Variants in CEP128 observed in about 807,000 individuals in gnomAD.
CEP128 encodes the protein centrosomal protein 128.
A neutral mutation model predicts 156.7 loss-of-function variants in CEP128; 132 were observed. The observed-to-expected ratio is 0.84, with a 90% CI of 0.73 to 0.97. The LOEUF (loss-of-function observed/expected upper bound fraction) is 0.97. Among genes scored for constraint, CEP128 ranks in the 50% least tolerant of loss-of-function variants. The pLI is 0.00. For synonymous variants in CEP128, 469 were observed against 448.9 expected (o/e 1.04, Z -0.57); for missense variants, 1,252 against 1,281.9 (o/e 0.98, Z 0.36).
At chr14:80,801,361 T>C (rs1883837770) in intron 13 of CEP128, among the ~76,000 whole-genome samples, 1 of 147,404 alleles carries the variant, frequency 6.8e-6, no homozygotes, top group Non-Finnish European at 1.5e-5. Flanking sequence ...CAATATGATA[T>C]TGGCTGTGGG....
intron 17 of CEP128, among the ~76,000 whole-genome samples, 171 bp downstream of exon 17, chr14:80,761,266 A>G (rs974849484): frequency 6.6e-6 from 1 of 151,048 alleles, no homozygotes. Context: ...TCGTTCTCTC[A>G]CCACAACTGT....
At chr14:80,491,885 A>G (rs904810932), downstream of CEP128, among the ~76,000 whole-genome samples, 3 of 152,146 alleles carry the variant, frequency 2.0e-5, no homozygotes, top group Non-Finnish European at 4.4e-5. Flanking sequence ...ACAGTTTAAA[A>G]TGTGTGTTAT....
chr14:80,609,561 C>T (rs1393636198), intron 19 of CEP128, among the ~76,000 whole-genome samples: 4 of 152,106 alleles, frequency 2.6e-5, no homozygotes, highest in African/African-American at 9.7e-5. Flanking sequence ...GGGCCAAGAA[C>T]ACATTTTAGC....
chr14:80,544,115 T>C (rs1039078609), intron 21 of CEP128, among the ~76,000 whole-genome samples: 2 of 152,206 alleles, frequency 1.3e-5, no homozygotes, highest in African/African-American at 4.8e-5. Context: ...CCAGATTTTA[T>C]TCTGCTAAAG....
chr14:80,759,178 A>G (rs1899830304), intron 17 of CEP128, among the ~76,000 whole-genome samples: 1 of 152,232 alleles, frequency 6.6e-6, no homozygotes, highest in Admixed American at 6.5e-5. Flanking sequence ...TGTCAAACAC[A>G]TACATTAACT....
intron 2 of CEP128, among the ~76,000 whole-genome samples, chr14:80,946,824 A>G (rs1003899957): frequency 6.6e-6 from 1 of 152,318 alleles, no homozygotes; most frequent in Admixed American, 6.5e-5. Context: ...CCCCACCCAA[A>G]TGTCACGTGG....
intron 19 of CEP128, among the ~76,000 whole-genome samples, chr14:80,581,648 C>A (rs1227348176): frequency 2.6e-5 from 4 of 152,172 alleles, no homozygotes; most frequent in African/African-American, 9.6e-5. Context: ...TATAGAGGAA[C>A]TGACTTTGGC....
chr14:80,943,663 G>A (rs7146963), upstream of CEP128, among the ~76,000 whole-genome samples: 10,057 of 152,202 alleles, frequency 0.066, 1,106 homozygotes, highest in African/African-American at 0.23. Context: ...CAGCTTTGGT[G>A]TGCTCTCAGT....
At chr14:80,931,195 A>G (rs994781548) in intron 2 of CEP128, among the ~76,000 whole-genome samples, 3 of 152,234 alleles carry the variant, frequency 2.0e-5, no homozygotes, top group African/African-American at 7.2e-5. Flanking sequence ...TCTTTGAATG[A>G]TTACCTAACA....
intron 19 of CEP128, among the ~76,000 whole-genome samples, chr14:80,641,520 C>T (rs778782016): frequency 5.9e-5 from 9 of 152,298 alleles, no homozygotes; most frequent in East Asian, 3.9e-4. Flanking sequence ...CCTGTCTTTG[C>T]GCCTTTTTCC....
At position 80,899,927 on chromosome 14, in the gene CEP128, G is replaced by A. The variant is rs1347478991; in HGVS notation, c.572+11C>T. On this transcript the variant is annotated intron_variant, in intron 7 of 24. Coordinates refer to ENST00000555265, the MANE Select transcript of CEP128 (RefSeq NM_152446.5). ...TTTATCCCTCCCATAAAAACCATAG[G>A]CTGCTTTTACCGGCTCCTTCTGGAA... The A allele has an allele frequency of 6.3e-7, 1 of 1,589,976 alleles. No individual in the cohort carries two copies. Among genetic ancestry groups the A allele is most frequent in the Non-Finnish European group, 8.6e-7 (1 of 1,158,470 alleles).
chr14:80,814,592 A>G (rs2139963886), intron 13 of CEP128, among the ~76,000 whole-genome samples: 1 of 152,324 alleles, frequency 6.6e-6, no homozygotes, highest in South Asian at 2.1e-4. Context: ...CTCTCACCAT[A>G]TACAAAAATC....
At chr14:80,573,637 T>C (rs902092190) in intron 20 of CEP128, among the ~76,000 whole-genome samples, 1 of 152,162 alleles carries the variant, frequency 6.6e-6, no homozygotes, top group Non-Finnish European at 1.5e-5. Context: ...AGTGGAATCC[T>C]TTTTACTGAG....
At chr14:80,691,662 T>C (rs1302254392) in intron 19 of CEP128, among the ~76,000 whole-genome samples, 1 of 152,122 alleles carries the variant, frequency 6.6e-6, no homozygotes, top group Non-Finnish European at 1.5e-5. Context: ...TAAATTTTCA[T>C]GAATAAAGGG....
intron 2 of CEP128, among the ~76,000 whole-genome samples, chr14:80,949,256 G>A (rs962039897): frequency 5.9e-5 from 9 of 152,196 alleles, no homozygotes; most frequent in African/African-American, 2.2e-4. Flanking sequence ...ATGGTGCAAG[G>A]AGAGCGAACC....
At chr14:80,821,330 T>C (rs1159989636) in intron 13 of CEP128, among the ~76,000 whole-genome samples, 3 of 152,190 alleles carry the variant, frequency 2.0e-5, no homozygotes, top group African/African-American at 7.2e-5. Flanking sequence ...ACAGTTAAAA[T>C]TGGCTCATTA....
chr14:80,648,250 T>A (rs1165900927), intron 19 of CEP128, among the ~76,000 whole-genome samples: 1 of 151,994 alleles, frequency 6.6e-6, no homozygotes, highest in Non-Finnish European at 1.5e-5. Flanking sequence ...TCTGGGGATC[T>A]TTGATTAATG....
chr14:80,835,599 T>A (rs1181071343), intron 12 of CEP128, among the ~76,000 whole-genome samples: 1 of 152,192 alleles, frequency 6.6e-6, no homozygotes, highest in Non-Finnish European at 1.5e-5. Context: ...AATATTATCA[T>A]TATTAAACCT....
At chr14:80,705,591 G>T (rs1020306836) in intron 19 of CEP128, among the ~76,000 whole-genome samples, 1 of 152,064 alleles carries the variant, frequency 6.6e-6, no homozygotes, top group Non-Finnish European at 1.5e-5. Flanking sequence ...CTTGAATGTG[G>T]GTAGGCTTTT....
Sources: allele counts gnomAD v4.1 joint callset (sites outside exome capture counted in the v4.1 genomes callset), GRCh38; gene constraint gnomAD v4.1.1; transcripts MANE v1.5; gene names NCBI Gene and HGNC (gene_info 2026-07-23, HGNC 2026-07-21).